The following PRKG1 variants were observed in gnomAD, a reference collection of about 807,000 sequenced individuals.
The protein encoded by PRKG1 is protein kinase cGMP-dependent 1.
In PRKG1, 35 loss-of-function variants were observed where a neutral mutation model predicts 88.1. That is an observed-to-expected ratio of 0.40 (90% CI 0.30 to 0.53). PRKG1 has a LOEUF of 0.53. PRKG1 is among the 20% of genes least tolerant of loss of function. PRKG1 has a pLI of 0.59. For missense variants in PRKG1, 540 were observed against 839.8 expected (o/e 0.64, Z 4.41); for synonymous variants, 303 against 292.5 (o/e 1.04, Z -0.37).
intron 5 of PRKG1, among the ~76,000 whole-genome samples, chr10:52,012,773 A>G (rs1437727676): frequency 6.6e-6 from 1 of 152,202 alleles, no homozygotes; most frequent in East Asian, 1.9e-4. Flanking sequence ...ATTGATAGTT[A>G]ATTCCTATGG....
chr10:51,295,533 T>TGTAGTCTA (rs1330103586), intron 2 of PRKG1, among the ~76,000 whole-genome samples: 7 of 152,172 alleles, frequency 4.6e-5, no homozygotes, highest in African/African-American at 1.7e-4. Flanking sequence ...TTTCTTTTTT[T>TGTAGTCTA]GTAGTCTATA....
intron 3 of PRKG1, among the ~76,000 whole-genome samples, chr10:51,554,996 C>A (rs111739783): frequency 2.6e-5 from 4 of 151,828 alleles, no homozygotes; most frequent in African/African-American, 9.7e-5. Context: ...TAAACATGCT[C>A]TTTATGCAGC....
At chr10:51,442,343 G>A (rs1347288604) in intron 2 of PRKG1, among the ~76,000 whole-genome samples, 2 of 151,866 alleles carry the variant, frequency 1.3e-5, no homozygotes, top group Admixed American at 6.6e-5. Flanking sequence ...TTTAGAATTT[G>A]TCTAATTTAA....
At chr10:51,745,601 C>T (rs958195941) in intron 3 of PRKG1, among the ~76,000 whole-genome samples, 9 of 152,010 alleles carry the variant, frequency 5.9e-5, no homozygotes, top group Non-Finnish European at 1.2e-4. Context: ...GTAAATGTTA[C>T]CATACTCTAA....
At chr10:51,865,108 G>A (rs911578948) in intron 4 of PRKG1, among the ~76,000 whole-genome samples, 11 of 152,086 alleles carry the variant, frequency 7.2e-5, no homozygotes, top group African/African-American at 2.4e-4. Context: ...ATAACTCTTA[G>A]TGTTGCTGAA....
rs770131726 is a variant in PRKG1, at chr10:52,288,707, G to C, written c.1710-19G>C. The C allele has an allele frequency of 6.4e-7, 1 of 1,565,192 alleles. No homozygotes were observed. The highest frequency in any genetic ancestry group is 1.4e-5 in the African/African-American group (1 of 72,116). ...GAAAATAAAAGTAATATCTCTTGTCGTGTCTCTCATTCTTGCAGCCCACCT... is the reference window on the plus strand; with the variant it reads ...GAAAATAAAAGTAATATCTCTTGTCCTGTCTCTCATTCTTGCAGCCCACCT... On this transcript the variant is annotated intron_variant, in intron 14 of 17. Coordinates refer to ENST00000373980, the MANE Select transcript of PRKG1 (RefSeq NM_006258.4).
At chr10:51,533,977 C>T (rs375846948) in intron 3 of PRKG1, among the ~76,000 whole-genome samples, 11 of 152,102 alleles carry the variant, frequency 7.2e-5, no homozygotes, top group East Asian at 5.8e-4. Flanking sequence ...CACAAAGCTA[C>T]GGGAAAGGAA....
intron 3 of PRKG1, among the ~76,000 whole-genome samples, chr10:51,788,395 A>G (rs1020934138): frequency 6.6e-6 from 1 of 152,192 alleles, no homozygotes; most frequent in African/African-American, 2.4e-5. Context: ...AAAGCAGACA[A>G]TTTTGAAAAT....
intron 3 of PRKG1, among the ~76,000 whole-genome samples, chr10:51,557,906 C>T (rs10998097): frequency 0.16 from 23,688 of 151,402 alleles, 2,100 homozygotes; most frequent in African/African-American, 0.24. Context: ...GCCTCAGAGA[C>T]TTATCTTCAA....
At chr10:51,341,836 C>A (rs2132548534) in intron 2 of PRKG1, among the ~76,000 whole-genome samples, 1 of 152,208 alleles carries the variant, frequency 6.6e-6, no homozygotes, top group African/African-American at 2.4e-5. Context: ...TGGCAGAAGG[C>A]AAATGAGGAG....
At chr10:52,190,596 G>A (rs2132752800) in intron 9 of PRKG1, among the ~76,000 whole-genome samples, 1 of 152,228 alleles carries the variant, frequency 6.6e-6, no homozygotes, top group Admixed American at 6.5e-5. Context: ...GAGGCCTATG[G>A]AGGTTTAAGT....
chr10:51,320,777 G>C (rs754529544), intron 2 of PRKG1: 1 of 152,090 alleles, frequency 6.6e-6, no homozygotes, highest in Non-Finnish European at 1.5e-5. Flanking sequence ...TACAATAAAA[G>C]GCAAAATGTA....
intron 5 of PRKG1, among the ~76,000 whole-genome samples, chr10:52,011,812 G>A (rs71508098): frequency 0.17 from 25,224 of 152,086 alleles, 2,430 homozygotes; most frequent in East Asian, 0.33. Context: ...GACTCAGTGG[G>A]AGATGATTGA....
intron 4 of PRKG1, among the ~76,000 whole-genome samples, chr10:51,883,742 G>A (rs575527559): frequency 6.3e-4 from 96 of 152,292 alleles, no homozygotes; most frequent in Middle Eastern, 3.4e-3. Flanking sequence ...AGGGCTGTGT[G>A]TCAAAATGGA....
chr10:51,489,835 T>C (rs1254031502), intron 3 of PRKG1, among the ~76,000 whole-genome samples: 1 of 152,130 alleles, frequency 6.6e-6, no homozygotes, highest in Non-Finnish European at 1.5e-5. Flanking sequence ...AGAGCTGTGA[T>C]GAATAAGGAT....
chr10:51,296,991 G>A (rs1283315925), intron 2 of PRKG1, among the ~76,000 whole-genome samples: 3 of 151,858 alleles, frequency 2.0e-5, no homozygotes, highest in South Asian at 2.1e-4. Flanking sequence ...ATTCCTTTTG[G>A]GAGGATATTC....
chr10:51,239,852 G>A (rs1839104290), intron 2 of PRKG1, among the ~76,000 whole-genome samples: 2 of 152,290 alleles, frequency 1.3e-5, no homozygotes, highest in South Asian at 2.1e-4. Context: ...CTCTCCAGTT[G>A]TAAAGTGGGA....
At chr10:51,506,745 G>A (rs78274144) in intron 3 of PRKG1, among the ~76,000 whole-genome samples, 7,011 of 152,176 alleles carry the variant, frequency 0.046, 262 homozygotes, top group Middle Eastern at 0.1. Flanking sequence ...GCATTGTGGC[G>A]ATTCCTCAGG....
At chr10:51,211,288 A>C (rs539943706) in intron 2 of PRKG1, among the ~76,000 whole-genome samples, 1 of 152,330 alleles carries the variant, frequency 6.6e-6, no homozygotes, top group East Asian at 1.9e-4. Flanking sequence ...AATACTCTCA[A>C]TAAATTAGGT....
Sources: gnomAD v4.1 joint callset for allele counts (sites outside exome capture counted in the v4.1 genomes callset) on GRCh38, gnomAD v4.1.1 for gene constraint, MANE v1.5 for transcripts, NCBI Gene and HGNC (gene_info 2026-07-23, HGNC 2026-07-21) for gene names.